The following GTF2A1 variants were observed in gnomAD, a reference collection of about 807,000 sequenced individuals.
GTF2A1 encodes general transcription factor IIA subunit 1.
A neutral mutation model predicts 54.1 loss-of-function variants in GTF2A1; 12 were observed. The observed-to-expected ratio is 0.22, with a 90% CI of 0.14 to 0.36. The LOEUF (loss-of-function observed/expected upper bound fraction) is 0.36. Among genes scored for constraint, GTF2A1 ranks in the 10% least tolerant of loss-of-function variants. The probability of loss-of-function intolerance (pLI) is 1.00; values close to 1 mark genes in which losing one functional copy is unlikely to be tolerated. For synonymous variants in GTF2A1, 145 were observed against 152.0 expected, an observed-to-expected ratio of 0.95 and a Z score of 0.34; for missense variants, 335 against 442.2, an observed-to-expected ratio of 0.76 and a Z score of 2.17.
At chr14:81,189,913 A>G (rs1194619796) in intron 7 of GTF2A1, among the ~76,000 whole-genome samples, 3 of 152,216 alleles carry the variant, frequency 2.0e-5, no homozygotes, top group Admixed American at 2.0e-4. Flanking sequence ...AGAAAAGAAT[A>G]GAATGGGAAA....
intron 2 of GTF2A1, among the ~76,000 whole-genome samples, chr14:81,208,495 G>A (rs1246494014): frequency 6.6e-6 from 1 of 152,348 alleles, no homozygotes; most frequent in East Asian, 1.9e-4. Context: ...AGAGAAATGT[G>A]GGGTCGGAGC....
At chr14:81,207,934 AG>A (rs747939019) in intron 2 of GTF2A1, among the ~76,000 whole-genome samples, 31 of 152,266 alleles carry the variant, frequency 2.0e-4, no homozygotes, top group Non-Finnish European at 3.8e-4. Context: ...TGCTGTTAGA[AG>A]CATTCCGTTT....
chr14:81,201,774 T>C (rs1027300351), intron 3 of GTF2A1, 116 bp from the exon 4 acceptor site: 2 of 683,844 alleles, frequency 2.9e-6, no homozygotes, highest in African/African-American at 1.8e-5. Context: ...TTTTCTGCAC[T>C]CAAATGCTTT....
chr14:81,187,136 C>CGA (rs1293309009), intron 7 of GTF2A1, among the ~76,000 whole-genome samples: 1 of 151,970 alleles, frequency 6.6e-6, no homozygotes, highest in Non-Finnish European at 1.5e-5. Flanking sequence ...AGGCAGATCA[C>CGA]GAGGTCAGGA....
Position 81,177,773 on chromosome 14 carries a change from T to A in GTF2A1, c.*2450A>T, listed in dbSNP as rs557055750. The A allele has an allele frequency of 6.6e-6, 1 of 152,244 alleles. No individual in the cohort carries two copies. Among genetic ancestry groups the A allele is most frequent in the African/African-American group, 2.4e-5 (1 of 41,570 alleles). The allele number at this position is 152,244 out of a possible 1,614,324, so 9.4% of individuals were successfully genotyped here. On this transcript the variant is annotated 3_prime_UTR_variant, in exon 9 of 9. Coordinates refer to ENST00000553612, the MANE Select transcript of GTF2A1 (RefSeq NM_015859.4). ...GTTAAATACAATGTTAAAAGCATGA[T>A]TAAGAATTCAAGTACAATAAAAGAT...
rs1893036161 is a variant in GTF2A1 at position 81,198,463 on chromosome 14, T to TA, written c.403-980dup. Among the ~76,000 whole-genome samples the TA allele has an allele frequency of 1.3e-5, 2 of 152,196 alleles. 1 individual carries two copies. Among genetic ancestry groups the TA allele is most frequent in the Admixed American group, 1.3e-4 (2 of 15,280 alleles). ...TAGTTTCAACATTTTGAAATCAAGT[T>TA]AGTATGTGACACTTAAGTTATAAAG... is the stretch of plus-strand genomic sequence containing the variant. On this transcript the variant is annotated intron_variant, in intron 4 of 8. Coordinates refer to ENST00000553612, the MANE Select transcript of GTF2A1 (RefSeq NM_015859.4).
At chr14:81,209,776 C>T (rs750220103) in intron 2 of GTF2A1, 64 of 425,564 alleles carry the variant, frequency 1.5e-4, no homozygotes, top group Non-Finnish European at 2.4e-4. Flanking sequence ...CCACAATTCC[C>T]TATACAAGAC....
intron 4 of GTF2A1, 27 bp downstream of exon 4, chr14:81,201,567 A>T (rs1231202114): frequency 2.9e-6 from 4 of 1,387,782 alleles, no homozygotes; most frequent in Non-Finnish European, 3.1e-6. Context: ...AGTACAGCCA[A>T]TCAAACTGCT....
chr14:81,206,618 G>A (rs1253810038), intron 2 of GTF2A1, among the ~76,000 whole-genome samples: 1 of 152,138 alleles, frequency 6.6e-6, no homozygotes, highest in Admixed American at 6.5e-5. Flanking sequence ...TAAAAATACT[G>A]AATCAGCAGC....
At chr14:81,211,899 AT>A (rs1893378092) in intron 2 of GTF2A1, among the ~76,000 whole-genome samples, 1 of 141,332 alleles carries the variant, frequency 7.1e-6, no homozygotes, top group Non-Finnish European at 1.5e-5. Flanking sequence ...ATATATATAT[AT>A]ATATATATAA....
chr14:81,200,684 T>C lies in GTF2A1; in HGVS notation c.402+910A>G, dbSNP rs116227024. On this transcript the variant is annotated intron_variant, in intron 4 of 8. Coordinates refer to ENST00000553612, the MANE Select transcript of GTF2A1 (RefSeq NM_015859.4). ...AAAAAATCTCATTTCTAGTACTAAC[T>C]AGTTACATAGGTTAAAAGATCTTTT... 7.8e-3 allele frequency among the ~76,000 whole-genome samples: 1,178 copies of C among 151,504 alleles called. 15 individuals are homozygous for C. The highest frequency in any genetic ancestry group is 0.027 in the African/African-American group (1,105 of 41,346).
rs952397526 is a variant in GTF2A1 at position 81,178,123 on chromosome 14, G to A, written c.*2100C>T. On this transcript the variant is annotated 3_prime_UTR_variant, in exon 9 of 9. Transcript: ENST00000553612. ...ATACAACACTACTATGAATATGAAT[G>A]TTTGTCTACATAGAGGGCCCAAGAC... 3.3e-5 allele frequency: 5 copies of A among 151,842 alleles called. No individual in the cohort carries two copies. The highest frequency in any genetic ancestry group is 1.3e-4 in the Admixed American group (2 of 15,224). The allele number at this position is 151,842 out of a possible 1,614,324, so 9.4% of individuals were successfully genotyped here. A position where few individuals can be genotyped will look rare whatever the true frequency, so the allele number is the denominator to read the frequency against.
chr14:81,190,735 AAGAAG>A (rs1461516330), intron 7 of GTF2A1, among the ~76,000 whole-genome samples: 2 of 152,164 alleles, frequency 1.3e-5, no homozygotes, highest in African/African-American at 2.4e-5. Context: ...TCAGTTTAAG[AAGAAG>A]AGAAGAGTGC....
chr14:81,192,927 C>A, intron 6 of GTF2A1, 88 bp from the exon 7 acceptor site: 1 of 769,192 alleles, frequency 1.3e-6, no homozygotes. Flanking sequence ...TAAGATTCAC[C>A]AGAATGGCCA....
intron 2 of GTF2A1, among the ~76,000 whole-genome samples, chr14:81,207,126 TCTAC>T (rs1299748756): frequency 7.1e-6 from 1 of 141,416 alleles, no homozygotes; most frequent in Non-Finnish European, 1.5e-5. Context: ...TATCTATCTA[TCTAC>T]CTACCTACGT....
At chr14:81,196,967 T>C (rs1893006064) in intron 5 of GTF2A1, among the ~76,000 whole-genome samples, 1 of 152,234 alleles carries the variant, frequency 6.6e-6, no homozygotes, top group Non-Finnish European at 1.5e-5. Context: ...AGCACCAATA[T>C]GCCAAAACAC....
chr14:81,184,669 C>T (rs1892704892), intron 8 of GTF2A1, among the ~76,000 whole-genome samples: 3 of 152,108 alleles, frequency 2.0e-5, no homozygotes, highest in South Asian at 4.1e-4. Context: ...ATAAAGGAAA[C>T]TTCATGCAAG....
At chr14:81,188,567 C>T (rs372064630) in intron 7 of GTF2A1, among the ~76,000 whole-genome samples, 7 of 151,664 alleles carry the variant, frequency 4.6e-5, no homozygotes, top group African/African-American at 1.7e-4. Flanking sequence ...GTCAGGAGAT[C>T]GAGACTATCC....
chr14:81,193,781 T>C (rs1348479660), intron 6 of GTF2A1, among the ~76,000 whole-genome samples: 1 of 152,222 alleles, frequency 6.6e-6, no homozygotes, highest in Non-Finnish European at 1.5e-5. Context: ...ATTAACTATA[T>C]GTATTATAAT....
Sources: allele counts gnomAD v4.1 joint callset (sites outside exome capture counted in the v4.1 genomes callset), GRCh38; gene constraint gnomAD v4.1.1; transcripts MANE v1.5; gene names NCBI Gene and HGNC (gene_info 2026-07-23, HGNC 2026-07-21).